FBXO36: variants seen among roughly 807,000 people sequenced by gnomAD.
FBXO36 encodes F-box only protein 36.
Under a neutral mutation model 17.0 loss-of-function variants are expected in FBXO36, and 18 were observed. The observed-to-expected ratio is 1.06, with a 90% CI of 0.73 to 1.57. FBXO36 has a LOEUF of 1.57. Ranked by LOEUF, FBXO36 falls within the 40% of genes most tolerant of loss-of-function variation. The probability of loss-of-function intolerance (pLI) is 0.00; values close to 1 mark genes in which losing one functional copy is unlikely to be tolerated. For missense variants in FBXO36, 229 were observed against 221.9 expected, an observed-to-expected ratio of 1.03 and a Z score of -0.20; for synonymous variants, 83 against 85.3, an observed-to-expected ratio of 0.97 and a Z score of 0.15.
At chr2:229,928,960 T>C (rs1477963678) in intron 1 of FBXO36, among the ~76,000 whole-genome samples, 1 of 110,066 alleles carries the variant, frequency 9.1e-6, no homozygotes, top group East Asian at 3.0e-4. Flanking sequence ...ACTTCTGACC[T>C]TTTTTTCTTT....
chr2:229,948,508 G>C (rs2077038988), intron 1 of FBXO36, among the ~76,000 whole-genome samples: 1 of 101,728 alleles, frequency 9.8e-6, no homozygotes, highest in Non-Finnish European at 2.0e-5. Flanking sequence ...CCGAACACTT[G>C]GGCTTTAGAG....
intron 2 of FBXO36, among the ~76,000 whole-genome samples, chr2:229,979,597 T>C (rs1378445506): frequency 6.6e-6 from 1 of 151,866 alleles, no homozygotes; most frequent in Non-Finnish European, 1.5e-5. Flanking sequence ...TTGGCCAACA[T>C]GGTGAAACCC....
chr2:229,996,711 G>C (rs2077329333), intron 2 of FBXO36, 40 bp from the exon 3 acceptor site: 5 of 1,556,122 alleles, frequency 3.2e-6, no homozygotes, highest in Non-Finnish European at 4.3e-6. Flanking sequence ...ATTTTTATGT[G>C]ACTGTATATG....
chr2:229,960,236 G>A (rs1373993911), intron 1 of FBXO36, among the ~76,000 whole-genome samples: 3 of 151,988 alleles, frequency 2.0e-5, no homozygotes, highest in South Asian at 4.1e-4. Flanking sequence ...GTAGTGCAAT[G>A]GTAAGATCAT....
chr2:229,952,793 T>G (rs865940795), intron 1 of FBXO36, among the ~76,000 whole-genome samples: 32 of 152,280 alleles, frequency 2.1e-4, no homozygotes, highest in Middle Eastern at 3.4e-3. Flanking sequence ...TCCTGCAGCC[T>G]TGAGCTGTGC....
At chr2:229,965,587 A>C (rs1052464321) in intron 1 of FBXO36, among the ~76,000 whole-genome samples, 2 of 132,446 alleles carry the variant, frequency 1.5e-5, no homozygotes, top group Non-Finnish European at 3.1e-5. Flanking sequence ...AGGTGTTCAC[A>C]TTGTTCAGTT....
chr2:229,963,795 A>G (rs2077137307), intron 1 of FBXO36, among the ~76,000 whole-genome samples: 2 of 152,180 alleles, frequency 1.3e-5, no homozygotes, highest in Non-Finnish European at 1.5e-5. Context: ...ATGTAATCCT[A>G]TGAATGGAAT....
intron 1 of FBXO36, among the ~76,000 whole-genome samples, chr2:229,923,982 G>C (rs1230815691): frequency 6.6e-6 from 1 of 151,190 alleles, no homozygotes; most frequent in Non-Finnish European, 1.5e-5. Context: ...TTGATCTCGT[G>C]ATCCGCCTGC....
chr2:229,981,331 A>C (rs1250756347), intron 2 of FBXO36, among the ~76,000 whole-genome samples: 1 of 152,084 alleles, frequency 6.6e-6, no homozygotes, highest in Non-Finnish European at 1.5e-5. Flanking sequence ...CCCATCTCTA[A>C]AAAAAACTTT....
chr2:229,964,257 A>G (rs2077139501), intron 1 of FBXO36, among the ~76,000 whole-genome samples: 1 of 152,164 alleles, frequency 6.6e-6, no homozygotes, highest in Non-Finnish European at 1.5e-5. Context: ...TTCAGGTGGC[A>G]TGAATTTAAA....
chr2:229,968,391 A>G (rs1179853580), intron 1 of FBXO36, among the ~76,000 whole-genome samples: 1 of 152,186 alleles, frequency 6.6e-6, no homozygotes, highest in Non-Finnish European at 1.5e-5. Context: ...ACATTTATGC[A>G]CTGTTCACAA....
chr2:229,997,027 A>C (rs1005794811), intron 3 of FBXO36, 104 bp downstream of exon 3: 6 of 1,036,506 alleles, frequency 5.8e-6, no homozygotes, highest in Middle Eastern at 2.7e-4. Flanking sequence ...TGTGATGGAC[A>C]CTGTCTTAGG....
At chr2:229,975,982 A>G (rs1383608655) in intron 1 of FBXO36, among the ~76,000 whole-genome samples, 2 of 152,100 alleles carry the variant, frequency 1.3e-5, no homozygotes, top group East Asian at 3.9e-4. Flanking sequence ...TGCTGGGATT[A>G]CAAGTGTGAG....
chr2:229,992,333 T>C (rs749685838), intron 2 of FBXO36, among the ~76,000 whole-genome samples: 5 of 152,012 alleles, frequency 3.3e-5, no homozygotes, highest in Non-Finnish European at 5.9e-5. Context: ...GATTTTTGTA[T>C]TTTCAGTAGA....
At chr2:229,982,537 T>C (rs909506107) in intron 2 of FBXO36, among the ~76,000 whole-genome samples, 16 of 152,052 alleles carry the variant, frequency 1.1e-4, no homozygotes, top group Admixed American at 9.8e-4. Flanking sequence ...CTGGGCACAG[T>C]GGCTCACACC....
At chr2:229,938,483 C>CTT (rs111952762) in intron 1 of FBXO36, among the ~76,000 whole-genome samples, 7 of 94,002 alleles carry the variant, frequency 7.4e-5, no homozygotes, top group East Asian at 2.8e-4. Context: ...ATACAACTTT[C>CTT]TTTTTTTTTT....
At chr2:229,951,386 G>A (rs563957064) in intron 1 of FBXO36, among the ~76,000 whole-genome samples, 12 of 152,084 alleles carry the variant, frequency 7.9e-5, no homozygotes, top group Non-Finnish European at 1.5e-4. Context: ...TGGGATTACA[G>A]GCACGTGCCA....
At chr2:229,965,767 T>C (rs1039541489) in intron 1 of FBXO36, among the ~76,000 whole-genome samples, 4 of 152,198 alleles carry the variant, frequency 2.6e-5, no homozygotes, top group Non-Finnish European at 4.4e-5. Context: ...CTTAATCCAC[T>C]CTATCATTGT....
intron 1 of FBXO36, among the ~76,000 whole-genome samples, chr2:229,958,023 G>A (rs1354848920): frequency 6.6e-6 from 1 of 152,080 alleles, no homozygotes; most frequent in Non-Finnish European, 1.5e-5. Flanking sequence ...TTGGTACAGT[G>A]GAACCACAGA....
Sources: gnomAD v4.1 joint callset for allele counts (sites outside exome capture counted in the v4.1 genomes callset) on GRCh38, gnomAD v4.1.1 for gene constraint, MANE v1.5 for transcripts, NCBI Gene and HGNC (gene_info 2026-07-23, HGNC 2026-07-21) for gene names.